Variants in EYA1 observed in about 807,000 individuals in gnomAD.
EYA1 encodes protein phosphatase EYA1.
A neutral mutation model predicts 82.0 loss-of-function variants in EYA1; 16 were observed. That is an observed-to-expected ratio of 0.20 (90% CI 0.13 to 0.30). EYA1 has a LOEUF of 0.30. Among genes scored for constraint, EYA1 ranks in the 10% least tolerant of loss-of-function variants. EYA1 has a pLI of 1.00. For synonymous variants in EYA1, 261 were observed against 264.4 expected (o/e 0.99, Z 0.12); for missense variants, 633 against 730.7 (o/e 0.87, Z 1.54).
chr8:71,232,617 A>C (rs1811330911), intron 12 of EYA1, among the ~76,000 whole-genome samples: 1 of 152,030 alleles, frequency 6.6e-6, no homozygotes, highest in South Asian at 2.1e-4. Flanking sequence ...GACCCAAAGA[A>C]GTATTCTGTG....
chr8:71,273,759 T>C (rs1816817564), intron 9 of EYA1, among the ~76,000 whole-genome samples: 1 of 152,248 alleles, frequency 6.6e-6, no homozygotes, highest in African/African-American at 2.4e-5. Context: ...AGTACTTTAC[T>C]ACAAAGTCTC....
intron 2 of EYA1, among the ~76,000 whole-genome samples, chr8:71,373,174 C>T (rs1247027383): frequency 6.6e-6 from 1 of 151,946 alleles, no homozygotes; most frequent in Non-Finnish European, 1.5e-5. Flanking sequence ...GGGTATCAAA[C>T]TTGGAAAGGA....
At chr8:71,446,790 A>G (rs1055657418) in intron 2 of EYA1, among the ~76,000 whole-genome samples, 1 of 152,198 alleles carries the variant, frequency 6.6e-6, no homozygotes. Flanking sequence ...AGAGTGAACC[A>G]CTGCAGTTAT....
At chr8:71,234,133 G>C (rs1432586138) in intron 12 of EYA1, among the ~76,000 whole-genome samples, 1 of 152,160 alleles carries the variant, frequency 6.6e-6, no homozygotes, top group African/African-American at 2.4e-5. Context: ...CATGTAACCT[G>C]TGCTCCGGAT....
At chr8:71,526,018 T>C (rs1442490190) in intron 2 of EYA1, among the ~76,000 whole-genome samples, 2 of 152,214 alleles carry the variant, frequency 1.3e-5, no homozygotes, top group African/African-American at 2.4e-5. Flanking sequence ...AAATAGCCTT[T>C]TAAGTTTGGG....
intron 2 of EYA1, among the ~76,000 whole-genome samples, chr8:71,526,846 C>T (rs1813854265): frequency 6.6e-6 from 1 of 152,140 alleles, no homozygotes; most frequent in Non-Finnish European, 1.5e-5. Context: ...TCCAAAGGGA[C>T]CCCCTTACAA....
chr8:71,265,421 TAA>T (rs1278936383), intron 11 of EYA1, among the ~76,000 whole-genome samples: 1 of 152,246 alleles, frequency 6.6e-6, no homozygotes, highest in East Asian at 1.9e-4. Flanking sequence ...TACACTATCT[TAA>T]GTGTTCATGT....
intron 2 of EYA1, among the ~76,000 whole-genome samples, chr8:71,398,144 T>A (rs982221463): frequency 6.6e-6 from 1 of 152,196 alleles, no homozygotes; most frequent in Non-Finnish European, 1.5e-5. Flanking sequence ...CCCCATCAGG[T>A]CATTTAAGGA....
intron 4 of EYA1, among the ~76,000 whole-genome samples, chr8:71,330,484 C>T (rs72654173): frequency 0.22 from 33,180 of 152,064 alleles, 4,435 homozygotes; most frequent in Middle Eastern, 0.37. Flanking sequence ...CTCTCTCTAA[C>T]GAATTTCCTT....
At chr8:71,278,867 T>C (rs986303724) in intron 9 of EYA1, among the ~76,000 whole-genome samples, 2 of 152,204 alleles carry the variant, frequency 1.3e-5, no homozygotes, top group African/African-American at 4.8e-5. Context: ...GGAAGTAGAA[T>C]ACACAATTCC....
At chr8:71,313,658 T>C (rs899265996) in intron 7 of EYA1, among the ~76,000 whole-genome samples, 17 of 152,084 alleles carry the variant, frequency 1.1e-4, no homozygotes, top group Admixed American at 5.2e-4. Flanking sequence ...AGGAAACACA[T>C]GTGAAGGAGT....
At position 71,388,413 on chromosome 8, in the gene EYA1, A is replaced by G. The variant is rs543970457; in HGVS notation, c.34-31902T>C. Among the ~76,000 whole-genome samples the G allele has an allele frequency of 7.2e-5, 11 of 152,322 alleles. No homozygotes were observed. In the East Asian group the frequency reaches 1.7e-3, roughly 24 times the overall value. ...AATAGAAAAAAGAAAGCCAAGGAGC[A>G]CACAGTGCTCCTAAACAGTGAGGGT... On this transcript the variant is annotated intron_variant, in intron 2 of 18. Coordinates refer to the EYA1 transcript ENST00000643681.
intron 2 of EYA1, among the ~76,000 whole-genome samples, chr8:71,421,953 T>A: frequency 6.6e-6 from 1 of 152,218 alleles, no homozygotes; most frequent in East Asian, 1.9e-4. Flanking sequence ...GGCGTCAGTA[T>A]TCAAGGTATG....
intron 2 of EYA1, among the ~76,000 whole-genome samples, chr8:71,462,149 A>G (rs1455893817): frequency 6.6e-6 from 1 of 152,096 alleles, no homozygotes; most frequent in East Asian, 1.9e-4. Flanking sequence ...GCTTCTGCTC[A>G]GGAGCCTGTC....
At chr8:71,375,165 A>C (rs1318812180) in intron 2 of EYA1, among the ~76,000 whole-genome samples, 2 of 152,178 alleles carry the variant, frequency 1.3e-5, no homozygotes, top group Non-Finnish European at 2.9e-5. Context: ...ACAAACAAAA[A>C]GTAACTACAG....
intron 2 of EYA1, among the ~76,000 whole-genome samples, chr8:71,511,844 G>A (rs550165106): frequency 1.3e-5 from 2 of 152,290 alleles, no homozygotes; most frequent in Non-Finnish European, 2.9e-5. Context: ...AACACAAGGA[G>A]CAAAGCAGGA....
intron 2 of EYA1, among the ~76,000 whole-genome samples, chr8:71,405,438 G>T (rs1830167286): frequency 6.6e-6 from 1 of 152,138 alleles, no homozygotes. Context: ...TGCTGTTTCT[G>T]GGTTCAGGTG....
chr8:71,346,448 A>ATATATATATATATC (rs1554561621), intron 3 of EYA1, among the ~76,000 whole-genome samples: 4 of 135,284 alleles, frequency 3.0e-5, no homozygotes, highest in African/African-American at 1.2e-4. Flanking sequence ...ATATATATAT[A>ATATATATATATATC]TATATATCTA....
chr8:71,359,914 A>G (rs1183092341), intron 1 of EYA1, among the ~76,000 whole-genome samples: 1 of 152,154 alleles, frequency 6.6e-6, no homozygotes, highest in Non-Finnish European at 1.5e-5. Context: ...AATTTTCCTT[A>G]GCCATAAATC....
Sources: gnomAD v4.1 joint callset for allele counts (sites outside exome capture counted in the v4.1 genomes callset) on GRCh38, gnomAD v4.1.1 for gene constraint, MANE v1.5 for transcripts, NCBI Gene and HGNC (gene_info 2026-07-23, HGNC 2026-07-21) for gene names.